Variants in ZFYVE9 observed in about 807,000 individuals in gnomAD.
ZFYVE9 encodes the protein zinc finger FYVE-type containing 9.
A neutral mutation model predicts 126.7 loss-of-function variants in ZFYVE9; 43 were observed. That is an observed-to-expected ratio of 0.34 (90% confidence interval 0.27 to 0.44). The LOEUF (loss-of-function observed/expected upper bound fraction) is 0.44, where lower values mean the gene tolerates loss of function less well. ZFYVE9 is among the 20% of genes least tolerant of loss of function. The pLI is 1.00. For missense variants in ZFYVE9, 1,476 were observed against 1,697.0 expected (o/e 0.87, Z 2.29); for synonymous variants, 521 against 597.4 (o/e 0.87, Z 1.87).
intron 7 of ZFYVE9, 95 bp from the exon 8 acceptor site, chr1:52,274,369 G>C: frequency 1.4e-6 from 2 of 1,404,918 alleles, no homozygotes; most frequent in Non-Finnish European, 1.9e-6. Context: ...ATGAATTTCA[G>C]ATTTTCACTT....
At position 52,164,179 on chromosome 1, in the gene ZFYVE9, AT is replaced by A. The variant is rs2124515691; in HGVS notation, c.-143+21779del. On this transcript the variant is annotated intron_variant, in intron 1 of 18. Coordinates refer to ENST00000287727, the MANE Select transcript of ZFYVE9 (RefSeq NM_004799.4). ...CATGTTGCCCAGACTGAATTTCTAC[AT>A]TTATTGCTTAAAAGACAATGAGTAT... Among the ~76,000 whole-genome samples, 2 of 147,600 alleles carry A rather than the reference AT, an allele frequency of 1.4e-5. 1 individual carries two copies. Among genetic ancestry groups the A allele is most frequent in the South Asian group, 4.3e-4 (2 of 4,664 alleles).
At chr1:52,317,801 G>T (rs1378405034) in intron 13 of ZFYVE9, among the ~76,000 whole-genome samples, 2 of 152,076 alleles carry the variant, frequency 1.3e-5, no homozygotes, top group Non-Finnish European at 2.9e-5. Context: ...TTTGGTCAGT[G>T]TGCGTTCAAC....
intron 13 of ZFYVE9, among the ~76,000 whole-genome samples, chr1:52,315,086 A>C (rs1260188506): frequency 6.6e-6 from 1 of 152,234 alleles, no homozygotes; most frequent in Non-Finnish European, 1.5e-5. Context: ...AGAAATGATA[A>C]ATTTATAGGT....
chr1:52,334,998 G>C, intron 15 of ZFYVE9: 1 of 372,808 alleles, frequency 2.7e-6, no homozygotes, highest in South Asian at 3.7e-5. Context: ...CAGAGCTCTG[G>C]GATAAGGTAC....
intron 11 of ZFYVE9, 46 bp from the exon 12 acceptor site, chr1:52,295,849 G>A: frequency 6.6e-7 from 1 of 1,523,762 alleles, no homozygotes; most frequent in Non-Finnish European, 9.0e-7. Context: ...TTTTACCAAA[G>A]TTTTATGTTG....
At chr1:52,286,616 T>A (rs1357197269) in intron 10 of ZFYVE9, among the ~76,000 whole-genome samples, 1 of 152,234 alleles carries the variant, frequency 6.6e-6, no homozygotes, top group Non-Finnish European at 1.5e-5. Context: ...TTCCTCCATA[T>A]TTTGTACCTG....
chr1:52,233,561 G>A (rs2124622676), intron 3 of ZFYVE9, among the ~76,000 whole-genome samples: 1 of 152,262 alleles, frequency 6.6e-6, no homozygotes, highest in Middle Eastern at 3.4e-3. Context: ...TAGAATCCAG[G>A]CAGTGTGACA....
At position 52,227,647 on chromosome 1, in the gene ZFYVE9, G is replaced by A. The variant is rs140781010; in HGVS notation, c.-36-5524G>A. 2.5e-3 allele frequency among the ~76,000 whole-genome samples: 380 copies of A among 152,268 alleles called. 12 individuals carry two copies. In the South Asian group the frequency reaches 0.043, roughly 17 times the overall value. Reference sequence around the variant, plus strand: ...ACTGTTAAAACTCATAGGAAGAGCTGGGTTAGCATAAAGGCAAACCCTAGT... The same window carrying A: ...ACTGTTAAAACTCATAGGAAGAGCTAGGTTAGCATAAAGGCAAACCCTAGT... On this transcript the variant is annotated intron_variant, in intron 2 of 18. Transcript: ENST00000287727.
At chr1:52,253,508 C>A in intron 4 of ZFYVE9, 1 of 643,282 alleles carries the variant, frequency 1.6e-6, no homozygotes, top group Non-Finnish European at 2.8e-6. Flanking sequence ...TAAAAAGCCA[C>A]ACGTGGGTCG....
intron 13 of ZFYVE9, 95 bp from the exon 14 acceptor site, chr1:52,332,673 T>G: frequency 7.0e-7 from 1 of 1,433,240 alleles, no homozygotes; most frequent in Non-Finnish European, 9.3e-7. Flanking sequence ...ATACGTAATA[T>G]TCTGTTAGTT....
chr1:52,153,395 C>T (rs1174744408), intron 1 of ZFYVE9, among the ~76,000 whole-genome samples: 1 of 152,206 alleles, frequency 6.6e-6, no homozygotes, highest in Non-Finnish European at 1.5e-5. Flanking sequence ...CTAAATTGCC[C>T]TTGCCCTCAG....
At position 52,239,377 on chromosome 1, in the gene ZFYVE9, G is replaced by T. The variant is rs766631384; in HGVS notation, c.1960G>T (p.Ala654Ser). The T allele has an allele frequency of 6.2e-7, 1 of 1,612,940 alleles. No homozygotes were observed. Residue 654 changes from alanine (A) to serine (S), a missense_variant, in exon 4 of 19, where the codon GCT becomes TCT. By Grantham distance (99) the Ala-to-Ser change is moderately conservative (BLOSUM62 1). Around this residue, in one of 2 missense-constraint regions of ZFYVE9, gnomAD observed 807 missense variants for 794.6 expected, o/e 1.02. Transcript: ENST00000287727. ...TNGEHLESYE[A>S]EISTRPCLAL... ...TGGGGAACATTTAGAAAGTTATGAG[G>T]CTGAGATCTCCACTAGACCATGCCT...
At chr1:52,331,542 G>A (rs1251074968) in intron 13 of ZFYVE9, among the ~76,000 whole-genome samples, 1 of 151,240 alleles carries the variant, frequency 6.6e-6, no homozygotes, top group Non-Finnish European at 1.5e-5. Flanking sequence ...CACGAGGTCA[G>A]GAGATCGAGA....
chr1:52,264,789 C>T (rs543668977), intron 5 of ZFYVE9, among the ~76,000 whole-genome samples: 1 of 152,314 alleles, frequency 6.6e-6, no homozygotes, highest in East Asian at 1.9e-4. Flanking sequence ...TAACCTGTTG[C>T]ATGACAGTTA....
chr1:52,288,606 T>G (rs942911599), intron 10 of ZFYVE9, among the ~76,000 whole-genome samples: 3 of 152,162 alleles, frequency 2.0e-5, no homozygotes, highest in Non-Finnish European at 2.9e-5. Context: ...GGCTTGAGTT[T>G]TAGTCATATT....
At chr1:52,275,388 C>G (rs937941646) in intron 8 of ZFYVE9, among the ~76,000 whole-genome samples, 3 of 152,136 alleles carry the variant, frequency 2.0e-5, no homozygotes, top group Admixed American at 6.5e-5. Context: ...AATTTATTTT[C>G]TTTTGGATAT....
In ZFYVE9 at chr1:52,303,901, A is replaced by T. The variant is rs534801827; in HGVS notation, c.3414A>T (p.Lys1138Asn). ...TGGAAGTTCGGAAAACTAGCATCAA[A>T]ATTCCCAGCAACAGATACAATGAGG... ...VDMEVRKTSI[K>N]IPSNRYNEMM... The change falls in exon 13 of 19, where the codon AAA (lysine) becomes AAT (asparagine). Residue 1138 changes from lysine to asparagine, a missense_variant. Physicochemically the swap from Lys to Asn is moderately conservative, Grantham distance 94. Coordinates refer to ENST00000287727, the MANE Select transcript of ZFYVE9 (RefSeq NM_004799.4). The T allele has an allele frequency of 6.2e-7, 1 of 1,602,218 alleles. No individual in the cohort carries two copies. Among genetic ancestry groups the T allele is most frequent in the African/African-American group, 1.3e-5 (1 of 74,648 alleles).
intron 1 of ZFYVE9, among the ~76,000 whole-genome samples, chr1:52,181,043 C>T (rs775317162): frequency 3.0e-4 from 44 of 148,734 alleles, no homozygotes; most frequent in Middle Eastern, 3.5e-3. Flanking sequence ...TTTTGGAACT[C>T]GTCCCTCTCC....
At chr1:52,220,897 A>G (rs1192563661) in intron 2 of ZFYVE9, among the ~76,000 whole-genome samples, 2 of 152,190 alleles carry the variant, frequency 1.3e-5, no homozygotes, top group Admixed American at 6.5e-5. Flanking sequence ...CTGCAAGGTT[A>G]TTTCCCTGGC....
Sources: allele counts gnomAD v4.1 joint callset (sites outside exome capture counted in the v4.1 genomes callset), GRCh38; gene constraint gnomAD v4.1.1; regional missense constraint gnomAD v4.1.1; transcripts MANE v1.5; gene names NCBI Gene and HGNC (gene_info 2026-07-23, HGNC 2026-07-21).